The following PCCA variants were observed in gnomAD, a reference collection of about 807,000 sequenced individuals.
PCCA encodes propionyl-CoA carboxylase subunit alpha.
In PCCA, 74 loss-of-function variants were observed where a neutral mutation model predicts 101.3. That is an observed-to-expected ratio of 0.73 (90% CI 0.61 to 0.89). The LOEUF (loss-of-function observed/expected upper bound fraction) is 0.89, where lower values mean the gene tolerates loss of function less well. Ranked by LOEUF, PCCA falls within the 40% of genes least tolerant of loss-of-function variation. PCCA has a pLI of 0.00. For missense variants in PCCA, 891 were observed against 907.0 expected (o/e 0.98, Z 0.23); for synonymous variants, 294 against 313.6 (o/e 0.94, Z 0.66).
At chr13:100,148,651 G>A (rs560425269) in intron 4 of PCCA, among the ~76,000 whole-genome samples, 1 of 151,900 alleles carries the variant, frequency 6.6e-6, no homozygotes, top group South Asian at 2.1e-4. Flanking sequence ...TTACTGTATC[G>A]TCAGGAATGC....
At chr13:100,210,266 T>C (rs567540519) in intron 7 of PCCA, among the ~76,000 whole-genome samples, 1 of 152,214 alleles carries the variant, frequency 6.6e-6, no homozygotes, top group South Asian at 2.1e-4. Flanking sequence ...ATGTGAACCA[T>C]TGTGCCTGGC....
chr13:100,455,590 C>T (rs943974188), intron 21 of PCCA, among the ~76,000 whole-genome samples: 7 of 152,150 alleles, frequency 4.6e-5, no homozygotes, highest in Non-Finnish European at 1.0e-4. Flanking sequence ...AACTAGCCTG[C>T]TACTCATGGA....
At chr13:100,339,432 G>A (rs572249782) in intron 17 of PCCA, among the ~76,000 whole-genome samples, 1 of 152,302 alleles carries the variant, frequency 6.6e-6, no homozygotes, top group South Asian at 2.1e-4. Context: ...GATTTGTGGT[G>A]AAGTTACAGA....
chr13:100,146,992 A>C (rs2052653091), intron 4 of PCCA, among the ~76,000 whole-genome samples: 1 of 148,294 alleles, frequency 6.7e-6, no homozygotes, highest in Non-Finnish European at 1.5e-5. Flanking sequence ...AGCAGTTAAA[A>C]ATTATGAGGT....
chr13:100,510,211 C>T (rs1385816475), intron 21 of PCCA, among the ~76,000 whole-genome samples: 1 of 152,210 alleles, frequency 6.6e-6, no homozygotes, highest in African/African-American at 2.4e-5. Flanking sequence ...GGAACCTCAT[C>T]TCCATATGGT....
At chr13:100,375,460 G>A (rs2152820999) in intron 19 of PCCA, among the ~76,000 whole-genome samples, 1 of 152,198 alleles carries the variant, frequency 6.6e-6, no homozygotes, top group Middle Eastern at 3.4e-3. Context: ...ATTGACAGTG[G>A]GGTTGTTAAA....
At chr13:100,430,754 G>A (rs1296209015) in intron 20 of PCCA, among the ~76,000 whole-genome samples, 3 of 152,172 alleles carry the variant, frequency 2.0e-5, no homozygotes, top group Non-Finnish European at 4.4e-5. Context: ...GCCATGCTGT[G>A]GGGCCTGTGC....
chr13:100,216,874 CG>C (rs2059551050), intron 7 of PCCA, among the ~76,000 whole-genome samples: 1 of 151,904 alleles, frequency 6.6e-6, no homozygotes, highest in African/African-American at 2.4e-5. Flanking sequence ...TTTGGGAGGC[CG>C]AGGTGGGCGG....
At chr13:100,096,345 C>T (rs563131404) in intron 1 of PCCA, among the ~76,000 whole-genome samples, 7 of 152,080 alleles carry the variant, frequency 4.6e-5, no homozygotes, top group East Asian at 1.9e-4. Context: ...TTTGGGGTGC[C>T]GTGAACCACG....
intron 6 of PCCA, among the ~76,000 whole-genome samples, chr13:100,180,004 A>C (rs1490262772): frequency 6.6e-6 from 1 of 152,298 alleles, no homozygotes; most frequent in Non-Finnish European, 1.5e-5. Flanking sequence ...CACGTGGTAC[A>C]AGATGAGGTT....
At chr13:100,267,942 C>T (rs368590357) in intron 10 of PCCA, among the ~76,000 whole-genome samples, 1 of 152,122 alleles carries the variant, frequency 6.6e-6, no homozygotes, top group Non-Finnish European at 1.5e-5. Flanking sequence ...TTGAATGTAT[C>T]TCTTAACTGA....
At chr13:100,492,592 C>G (rs2084986237) in intron 21 of PCCA, among the ~76,000 whole-genome samples, 1 of 151,436 alleles carries the variant, frequency 6.6e-6, no homozygotes. Flanking sequence ...GGGTGGTTCC[C>G]CAGCAAAGGC....
At chr13:100,290,354 G>A (rs1055143720) in intron 12 of PCCA, among the ~76,000 whole-genome samples, 3 of 151,948 alleles carry the variant, frequency 2.0e-5, no homozygotes, top group African/African-American at 4.8e-5. Flanking sequence ...TGGGACCATA[G>A]GTGCATGCTG....
chr13:100,436,134 T>C (rs2152908120), intron 20 of PCCA, among the ~76,000 whole-genome samples: 1 of 152,258 alleles, frequency 6.6e-6, no homozygotes, highest in Non-Finnish European at 1.5e-5. Flanking sequence ...AGGGCCCGGA[T>C]ACCGAATCTT....
intron 19 of PCCA, among the ~76,000 whole-genome samples, chr13:100,368,949 C>T (rs979085832): frequency 1.3e-5 from 2 of 152,174 alleles, no homozygotes; most frequent in Non-Finnish European, 2.9e-5. Flanking sequence ...ATAACATTAT[C>T]TTTAAATCTC....
chr13:100,250,663 C>G (rs562373635), intron 8 of PCCA, among the ~76,000 whole-genome samples: 1 of 152,036 alleles, frequency 6.6e-6, no homozygotes. Flanking sequence ...CATTTTGCAT[C>G]TTTACCTATC....
chr13:100,384,136 A>T (rs1048037982), intron 19 of PCCA, among the ~76,000 whole-genome samples: 1 of 151,078 alleles, frequency 6.6e-6, no homozygotes, highest in Non-Finnish European at 1.5e-5. Flanking sequence ...AGTTATTCTC[A>T]TGGCTCAGCT....
At chr13:100,527,341 T>A in intron 22 of PCCA, 1 of 485,956 alleles carries the variant, frequency 2.1e-6, no homozygotes, top group Non-Finnish European at 4.2e-6. Flanking sequence ...TCTGGACATT[T>A]CAGGTAAGTG....
At chr13:100,191,685 G>A (rs1438454912) in intron 6 of PCCA, among the ~76,000 whole-genome samples, 1 of 152,176 alleles carries the variant, frequency 6.6e-6, no homozygotes, top group Non-Finnish European at 1.5e-5. Context: ...TAAGATTCTA[G>A]TGGCATGGGA....
Sources: gnomAD v4.1 joint callset for allele counts (sites outside exome capture counted in the v4.1 genomes callset) on GRCh38, gnomAD v4.1.1 for gene constraint, MANE v1.5 for transcripts, NCBI Gene and HGNC (gene_info 2026-07-23, HGNC 2026-07-21) for gene names.